The following SMR3B variants were observed in gnomAD, a reference collection of about 807,000 sequenced individuals.
SMR3B encodes submaxillary gland androgen-regulated protein 3B.
For missense variants in SMR3B, 114 were observed against 99.9 expected (o/e 1.14, Z -0.60); for synonymous variants, 42 against 36.1 (o/e 1.16, Z -0.59).
chr4:70,383,824 G>A (rs1347687446), intron 1 of SMR3B, among the ~76,000 whole-genome samples: 1 of 152,072 alleles, frequency 6.6e-6, no homozygotes, highest in Non-Finnish European at 1.5e-5. Flanking sequence ...GAAATATATT[G>A]TAAAATTTGA....
Position 70,385,278 on chromosome 4 carries a change from T to C in SMR3B, c.54+714T>C, listed in dbSNP as rs116448607. On this transcript the variant is annotated intron_variant, in intron 2 of 2. Transcript: ENST00000304915. ...TTCCACCAAAGTACTATAAAATCTATATCAAATTGAAAAATATGAAAGCTG... is the reference window on the plus strand; with the variant it reads ...TTCCACCAAAGTACTATAAAATCTACATCAAATTGAAAAATATGAAAGCTG... Among the ~76,000 whole-genome samples the C allele has an allele frequency of 2.0e-3, 297 of 152,132 alleles. 1 individual carries two copies. The highest frequency in any genetic ancestry group is 6.7e-3 in the African/African-American group (277 of 41,516).
chr4:70,385,565 G>A (rs1279182893), intron 2 of SMR3B, among the ~76,000 whole-genome samples: 1 of 151,884 alleles, frequency 6.6e-6, no homozygotes, highest in African/African-American at 2.4e-5. Flanking sequence ...CACCACGGCC[G>A]GCTAATTTTT....
intron 2 of SMR3B, chr4:70,384,868 T>A (rs1577876033): frequency 7.7e-6 from 2 of 258,406 alleles, no homozygotes; most frequent in Non-Finnish European, 1.4e-5. Flanking sequence ...TAAAAATAGA[T>A]AATCAAAATA....
chr4:70,388,395 G>A (rs1473411926), intron 2 of SMR3B, among the ~76,000 whole-genome samples: 1 of 152,060 alleles, frequency 6.6e-6, no homozygotes, highest in Non-Finnish European at 1.5e-5. Context: ...TTACAGGCAT[G>A]AGCCACCATG....
At position 70,390,072 on chromosome 4, in the gene SMR3B, A is replaced by G. The variant is rs541599240; in HGVS notation, c.*224A>G. ...TCTACTACCCAAAATATGAATTCCA[A>G]CACTGCTTCCAAGAGACATTTACAT... is the stretch of plus-strand genomic sequence containing the variant. On this transcript the variant is annotated 3_prime_UTR_variant, in exon 3 of 3. Transcript: ENST00000304915. 5.1e-5 allele frequency: 46 copies of G among 893,794 alleles called. No homozygotes were observed. The African/African-American group carries it at 7.4e-4, about 14-fold the overall frequency. The allele number at this position is 893,794 out of a possible 1,614,324, so 55.4% of individuals were successfully genotyped here. A position where few individuals can be genotyped will look rare whatever the true frequency, so the allele number is the denominator to read the frequency against.
intron 2 of SMR3B, among the ~76,000 whole-genome samples, chr4:70,386,272 C>CAA (rs33979547): frequency 0.39 from 49,567 of 126,176 alleles, 9,551 homozygotes; most frequent in African/African-American, 0.49. Context: ...GACTCTATCT[C>CAA]AAAAAAAAAA....
chr4:70,389,331 C>T (rs544010601), intron 2 of SMR3B, among the ~76,000 whole-genome samples: 58 of 152,250 alleles, frequency 3.8e-4, no homozygotes, highest in African/African-American at 1.4e-3. Context: ...GAAGCCCCTA[C>T]TTCCCTGCTG....
intron 2 of SMR3B, among the ~76,000 whole-genome samples, chr4:70,387,685 G>A (rs1470579811): frequency 6.6e-6 from 1 of 152,150 alleles, no homozygotes; most frequent in Admixed American, 6.5e-5. Flanking sequence ...ATATCTTGGT[G>A]AAGCAGGAGA....
intron 2 of SMR3B, among the ~76,000 whole-genome samples, chr4:70,388,730 A>T (rs1473677097): frequency 6.6e-6 from 1 of 152,148 alleles, no homozygotes; most frequent in Non-Finnish European, 1.5e-5. Context: ...GTAGATTCAT[A>T]GAAGATCTGT....
chr4:70,387,063 T>A (rs1395482245), intron 2 of SMR3B, among the ~76,000 whole-genome samples: 1 of 152,082 alleles, frequency 6.6e-6, no homozygotes. Flanking sequence ...GAAGAGCAAA[T>A]GGGAAATGAG....
In SMR3B at chr4:70,387,647, CA is replaced by C. The variant is rs371855171; in HGVS notation, c.55-2015del. Among the ~76,000 whole-genome samples, 222 of 152,180 alleles carry C rather than the reference CA, an allele frequency of 1.5e-3. 5 individuals carry two copies. The South Asian group carries it at 0.04, about 28-fold the overall frequency. On this transcript the variant is annotated intron_variant, in intron 2 of 2. Coordinates refer to ENST00000304915, the MANE Select transcript of SMR3B (RefSeq NM_006685.4). The stretch of plus-strand genomic sequence containing the variant: ...CTCCATGGTTGTGTGGCCAGTAAAT[CA>C]GGGAAGTTCATTTCTAATTGCCTGA...
At chr4:70,385,507 C>T (rs1732645214) in intron 2 of SMR3B, among the ~76,000 whole-genome samples, 1 of 148,612 alleles carries the variant, frequency 6.7e-6, no homozygotes. Flanking sequence ...GGGTTCGCGC[C>T]ATTCTCCTGC....
chr4:70,389,534 C>A (rs111819307), intron 2 of SMR3B, 129 bp from the exon 3 acceptor site: 55 of 895,148 alleles, frequency 6.1e-5, no homozygotes, highest in African/African-American at 6.0e-4. Flanking sequence ...TAAGGTCAGG[C>A]CAGCATGTGC....
intron 2 of SMR3B, among the ~76,000 whole-genome samples, chr4:70,387,341 A>C (rs1461462459): frequency 6.6e-6 from 1 of 152,216 alleles, no homozygotes; most frequent in Non-Finnish European, 1.5e-5. Flanking sequence ...ACTTAGGTTA[A>C]AGTGGAAGTA....
chr4:70,383,688 G>T (rs539363803), intron 1 of SMR3B, among the ~76,000 whole-genome samples: 62 of 152,246 alleles, frequency 4.1e-4, no homozygotes, highest in Non-Finnish European at 5.9e-4. Flanking sequence ...TTGTCCATAG[G>T]ATTCTTTCAA....
At chr4:70,389,615 T>G (rs748302880) in intron 2 of SMR3B, 48 bp from the exon 3 acceptor site, 410 of 1,573,188 alleles carry the variant, frequency 2.6e-4, no homozygotes, top group Non-Finnish European at 3.4e-4. Flanking sequence ...CCCTTATATT[T>G]AACTGTGAAA....
intron 2 of SMR3B, among the ~76,000 whole-genome samples, chr4:70,387,853 G>T (rs776848252): frequency 1.3e-5 from 2 of 152,128 alleles, no homozygotes; most frequent in African/African-American, 2.4e-5. Context: ...ACTGAAGGAC[G>T]CTAACTTTCT....
chr4:70,384,821 C>T (rs1418591697), intron 2 of SMR3B: 1 of 488,622 alleles, frequency 2.0e-6, no homozygotes, highest in East Asian at 4.0e-5. Context: ...TGTTAAGTTC[C>T]CATACTCTAG....
chr4:70,389,809 T>C lies in SMR3B; in HGVS notation c.201T>C (p.Tyr67=). 6.2e-7 allele frequency: 1 copy of C among 1,613,950 alleles called. No individual in the cohort carries two copies. The highest frequency in any genetic ancestry group is 2.2e-5 in the East Asian group (1 of 44,858). Residue 67 remains tyrosine (Y), a synonymous_variant, in exon 3 of 3, where the codon TAT becomes TAC. Transcript: ENST00000304915. ...GRIPPPPPAP[Y]GPGIFPPPPP... is the part of the protein sequence containing the mutation. ...TCCCACCTCCTCCTCCCGCACCCTA[T>C]GGTCCAGGGATATTTCCACCACCCC...
Sources: gnomAD v4.1 joint callset for allele counts (sites outside exome capture counted in the v4.1 genomes callset) on GRCh38, gnomAD v4.1.1 for gene constraint, MANE v1.5 for transcripts, NCBI Gene and HGNC (gene_info 2026-07-23, HGNC 2026-07-21) for gene names.